The following NHSL1 variants were observed in gnomAD, a reference collection of about 807,000 sequenced individuals.
The protein encoded by NHSL1 is NHS like 1.
A neutral mutation model predicts 95.0 loss-of-function variants in NHSL1; 48 were observed. The observed-to-expected ratio is 0.51, with a 90% confidence interval of 0.40 to 0.64. NHSL1 has a LOEUF of 0.64. Ranked by LOEUF, NHSL1 falls within the 30% of genes least tolerant of loss-of-function variation. NHSL1 has a pLI of 0.00. For synonymous variants in NHSL1, 783 were observed against 833.9 expected (o/e 0.94, Z 1.05); for missense variants, 1,971 against 2,077.7 (o/e 0.95, Z 1.00).
At chr6:138,584,790 T>C (rs769782671) in intron 1 of NHSL1, among the ~76,000 whole-genome samples, 1 of 152,210 alleles carries the variant, frequency 6.6e-6, no homozygotes, top group Non-Finnish European at 1.5e-5. Flanking sequence ...TTTCCACTGA[T>C]GGCAGACTGA....
exon 1 of NHSL1, chr6:138,545,638 T>C (rs1264633621): frequency 1.6e-5 from 21 of 1,289,226 alleles, no homozygotes; most frequent in Non-Finnish European, 2.0e-5. Context: ...AGACAGAACA[T>C]TCTGCAGCAG....
chr6:138,429,982 A>G, intron 6 of NHSL1, 139 bp from the exon 7 acceptor site: 1 of 829,108 alleles, frequency 1.2e-6, no homozygotes, highest in Non-Finnish European at 1.8e-6. Context: ...CTGTAGTTTG[A>G]TAGTTTACAA....
intron 1 of NHSL1, among the ~76,000 whole-genome samples, chr6:138,521,362 A>C (rs1432041886): frequency 6.6e-6 from 1 of 152,108 alleles, no homozygotes; most frequent in African/African-American, 2.4e-5. Context: ...GCTACTTAAG[A>C]GGTTGAAGCG....
chr6:138,447,779 A>T (rs575067214), intron 3 of NHSL1, among the ~76,000 whole-genome samples: 108 of 152,310 alleles, frequency 7.1e-4, no homozygotes, highest in Non-Finnish European at 1.3e-3. Context: ...TAAAAAAAAA[A>T]TTTTAAAAAG....
intron 4 of NHSL1, among the ~76,000 whole-genome samples, chr6:138,444,937 G>A (rs539871455): frequency 8.8e-4 from 134 of 152,200 alleles, no homozygotes; most frequent in South Asian, 6.6e-3. Context: ...TTAATCACTC[G>A]ATTAAAAGTA....
At chr6:138,585,332 T>G (rs1784118361) in intron 1 of NHSL1, among the ~76,000 whole-genome samples, 2 of 152,284 alleles carry the variant, frequency 1.3e-5, no homozygotes, top group African/African-American at 4.8e-5. Flanking sequence ...AGCACCCAAG[T>G]CTCACCTGTA....
At chr6:138,486,591 C>T (rs144256395) in intron 2 of NHSL1, among the ~76,000 whole-genome samples, 1 of 152,144 alleles carries the variant, frequency 6.6e-6, no homozygotes, top group Non-Finnish European at 1.5e-5. Context: ...CAACCGCCCC[C>T]CTCCTCACCA....
Position 138,432,099 on chromosome 6 carries a change from G to C in NHSL1, c.2246C>G (p.Thr749Ser), listed in dbSNP as rs1775725749. 1.9e-6 allele frequency: 3 copies of C among 1,551,424 alleles called. No homozygotes were observed. The highest frequency in any genetic ancestry group is 8.7e-7 in the Non-Finnish European group (1 of 1,146,946). Residue 749 changes from threonine to serine, a missense_variant, in exon 6 of 8, where the codon ACT becomes AGT. By Grantham distance (58) the Thr-to-Ser change is moderately conservative (BLOSUM62 1). This residue lies in a region of NHSL1 where 1,602 missense variants were observed against 1,654.5 expected (regional missense o/e 0.97). Transcript: ENST00000343505. The surrounding 1 kb of genome is among the most constrained non-coding windows in gnomAD (Gnocchi z 4.4). ...QSTVSAGSSM[T>S]SATTPNVYSL... Reference sequence around the variant, plus strand: ...GTAGACATTGGGGGTGGTGGCGGAAGTCATGCTGCTGCCAGCACTAACTGT... The same window carrying C: ...GTAGACATTGGGGGTGGTGGCGGAACTCATGCTGCTGCCAGCACTAACTGT...
At chr6:138,550,943 A>AAGTAC (rs1782979700) in intron 1 of NHSL1, among the ~76,000 whole-genome samples, 1 of 152,216 alleles carries the variant, frequency 6.6e-6, no homozygotes, top group South Asian at 2.1e-4. Context: ...CTCAGCTGCA[A>AAGTAC]AGTACAGTAC....
At chr6:138,451,245 G>A (rs1448554205) in intron 3 of NHSL1, among the ~76,000 whole-genome samples, 1 of 151,986 alleles carries the variant, frequency 6.6e-6, no homozygotes, top group East Asian at 1.9e-4. Context: ...GCACACTCGC[G>A]CCTCAGGGCC....
intron 1 of NHSL1, among the ~76,000 whole-genome samples, chr6:138,653,223 G>A (rs1290162034): frequency 1.3e-5 from 2 of 152,154 alleles, no homozygotes; most frequent in African/African-American, 2.4e-5. Context: ...GGTCTAACTA[G>A]GTGACATGTA....
At chr6:138,679,572 T>C (rs972555691) in intron 1 of NHSL1, among the ~76,000 whole-genome samples, 18 of 152,322 alleles carry the variant, frequency 1.2e-4, no homozygotes, top group African/African-American at 4.3e-4. Flanking sequence ...TAACACATCA[T>C]GAGTACAATT....
intron 3 of NHSL1, among the ~76,000 whole-genome samples, chr6:138,471,974 T>C (rs1778780816): frequency 7.0e-6 from 1 of 143,330 alleles, no homozygotes; most frequent in South Asian, 2.1e-4. Flanking sequence ...AGGTCAGGAA[T>C]TCAAGACCAC....
chr6:138,486,990 G>A (rs1779767775), intron 2 of NHSL1, among the ~76,000 whole-genome samples: 1 of 152,194 alleles, frequency 6.6e-6, no homozygotes, highest in African/African-American at 2.4e-5. Context: ...GGGGAAACAG[G>A]AGTTGGCCAG....
At chr6:138,515,227 C>T (rs996074468) in intron 1 of NHSL1, among the ~76,000 whole-genome samples, 1 of 152,156 alleles carries the variant, frequency 6.6e-6, no homozygotes, top group African/African-American at 2.4e-5. Context: ...ACTGAAACCA[C>T]GAGAAGCAAA....
chr6:138,522,343 C>T (rs1781717357), intron 1 of NHSL1, among the ~76,000 whole-genome samples: 1 of 152,146 alleles, frequency 6.6e-6, no homozygotes, highest in Non-Finnish European at 1.5e-5. Context: ...CCCGTATCTA[C>T]AAAAATATAA....
At chr6:138,596,049 A>T (rs1784299369) in intron 1 of NHSL1, among the ~76,000 whole-genome samples, 1 of 152,232 alleles carries the variant, frequency 6.6e-6, no homozygotes, top group South Asian at 2.1e-4. Context: ...ATCCAGGATG[A>T]AAGTATGTTT....
chr6:138,427,566 A>AAC (rs143039356), intron 7 of NHSL1, among the ~76,000 whole-genome samples: 238 of 152,136 alleles, frequency 1.6e-3, no homozygotes, highest in African/African-American at 5.4e-3. Flanking sequence ...ATACATACAC[A>AAC]ACACACACAC....
intron 1 of NHSL1, among the ~76,000 whole-genome samples, chr6:138,586,472 T>C (rs1784137308): frequency 6.6e-6 from 1 of 152,202 alleles, no homozygotes; most frequent in Non-Finnish European, 1.5e-5. Flanking sequence ...TAGCCTACAC[T>C]TGAGGTACAG....
Sources: allele counts gnomAD v4.1 joint callset (sites outside exome capture counted in the v4.1 genomes callset), GRCh38; gene constraint gnomAD v4.1.1; regional missense constraint gnomAD v4.1.1; non-coding constraint Gnocchi (gnomAD v3.1); transcripts MANE v1.5; gene names NCBI Gene and HGNC (gene_info 2026-07-23, HGNC 2026-07-21).